Variants in AMZ2 observed in about 807,000 individuals in gnomAD.
AMZ2 encodes the protein archaelysin family metallopeptidase 2.
In AMZ2, 26 loss-of-function variants were observed where a neutral mutation model predicts 36.7. The observed-to-expected ratio is 0.71, with a 90% CI of 0.52 to 0.98. The LOEUF is 0.98. Among genes scored for constraint, AMZ2 ranks in the 50% least tolerant of loss-of-function variants. The probability of loss-of-function intolerance (pLI) is 0.00; values close to 1 mark genes in which losing one functional copy is unlikely to be tolerated. For synonymous variants in AMZ2, 144 were observed against 149.1 expected, an observed-to-expected ratio of 0.97 and a Z score of 0.25; for missense variants, 394 against 430.5, an observed-to-expected ratio of 0.92 and a Z score of 0.75.
intron 4 of AMZ2, among the ~76,000 whole-genome samples, chr17:68,253,837 C>G (rs1313331565): frequency 1.3e-5 from 2 of 151,526 alleles, no homozygotes; most frequent in Admixed American, 1.3e-4. Context: ...CACTGCAACT[C>G]CGCCTCATGG....
intron 1 of AMZ2, among the ~76,000 whole-genome samples, chr17:68,228,948 T>C (rs1303287118): frequency 6.6e-6 from 1 of 152,228 alleles, no homozygotes; most frequent in Non-Finnish European, 1.5e-5. Context: ...TTGTGCTGTC[T>C]TCAGTGCCCT....
chr17:68,235,280 G>C lies in AMZ2; in HGVS notation c.-66-13360G>C, dbSNP rs1222828112. Among the ~76,000 whole-genome samples, 1 of 152,228 alleles carries C rather than the reference G, an allele frequency of 6.6e-6. No homozygotes were observed. Among genetic ancestry groups the C allele is most frequent in the African/African-American group, 2.4e-5 (1 of 41,452 alleles). On this transcript the variant is annotated intron_variant, in intron 1 of 7. Transcript: ENST00000674770. The surrounding 1 kb of genome is among the most constrained non-coding windows in gnomAD (Gnocchi z 4.2). ...GTTTTTGCCTTTGGGCTTTTGCCAT[G>C]CCTGGTTATTGGGCACCTTCTGGTA...
chr17:68,247,847 T>C (rs1327096142), upstream of AMZ2: 3 of 985,316 alleles, frequency 3.0e-6, no homozygotes, highest in Middle Eastern at 5.2e-4. Context: ...GGGCTTGTAG[T>C]CCCCTCGCTA....
chr17:68,237,443 G>A (rs1470387569), intron 1 of AMZ2, among the ~76,000 whole-genome samples: 3 of 152,042 alleles, frequency 2.0e-5, no homozygotes, highest in African/African-American at 7.2e-5. Context: ...TTTAATCCAC[G>A]CAAGTGTCAT....
chr17:68,241,985 C>G (rs2073912128), intron 1 of AMZ2, among the ~76,000 whole-genome samples: 1 of 150,978 alleles, frequency 6.6e-6, no homozygotes, highest in Non-Finnish European at 1.5e-5. Context: ...CCTAAGTGAT[C>G]CGCCTGCCTC....
chr17:68,239,799 A>ACC (rs55960445), intron 1 of AMZ2, among the ~76,000 whole-genome samples: 5 of 151,800 alleles, frequency 3.3e-5, no homozygotes, highest in African/African-American at 1.2e-4. Flanking sequence ...TGCACACAGA[A>ACC]CCCCCCACCA....
chr17:68,211,708 GTATATGTA>G (rs2073052992), intron 1 of AMZ2, among the ~76,000 whole-genome samples: 5 of 122,818 alleles, frequency 4.1e-5, no homozygotes, highest in Non-Finnish European at 9.1e-5. Context: ...ATGTATATAT[GTATATGTA>G]TATATATGTA....
At chr17:68,253,759 AT>A (rs71142159) in intron 4 of AMZ2, among the ~76,000 whole-genome samples, 17 of 146,496 alleles carry the variant, frequency 1.2e-4, no homozygotes, top group Non-Finnish European at 1.2e-4. Flanking sequence ...TGTTCATGTG[AT>A]TTTTTTTTTT....
Position 68,219,361 on chromosome 17 carries a change from T to C in AMZ2, c.-67+13123T>C, listed in dbSNP as rs376624762. 2.8e-4 allele frequency among the ~76,000 whole-genome samples: 42 copies of C among 152,342 alleles called. 1 individual carries two copies. The highest frequency in any genetic ancestry group is 9.6e-4 in the East Asian group (5 of 5,188). ...CCCCACACCTCTCACCTCTTCTGTC[T>C]GGTTCTGTTTGCCACATGGCAAATC... On this transcript the variant is annotated intron_variant, in intron 1 of 7. Transcript: ENST00000674770.
intron 1 of AMZ2, among the ~76,000 whole-genome samples, chr17:68,216,601 A>C (rs112046439): frequency 2.4e-4 from 36 of 152,186 alleles, no homozygotes; most frequent in Admixed American, 2.4e-3. Flanking sequence ...CTTATTTTAT[A>C]CTGTAGTCTA....
At chr17:68,243,140 T>C (rs1425657440), upstream of AMZ2, among the ~76,000 whole-genome samples, 2 of 143,932 alleles carry the variant, frequency 1.4e-5, no homozygotes, top group Non-Finnish European at 3.0e-5. Flanking sequence ...CTTTGAGAAA[T>C]GATTTTTTTT....
At chr17:68,241,152 T>A (rs2073892724) in intron 1 of AMZ2, among the ~76,000 whole-genome samples, 1 of 152,154 alleles carries the variant, frequency 6.6e-6, no homozygotes, top group South Asian at 2.1e-4. Flanking sequence ...AAAAAAAATG[T>A]AACCAGTGTG....
rs114908460 is a variant in AMZ2, at chr17:68,214,354, C to T, written c.-67+8116C>T. Among the ~76,000 whole-genome samples the T allele has an allele frequency of 7.0e-3, 1,065 of 152,274 alleles. 17 individuals are homozygous for T. The highest frequency in any genetic ancestry group is 0.024 in the African/African-American group (990 of 41,550). The stretch of plus-strand genomic sequence containing the variant: ...GCCTTTTCCTGTGTCCTGCTTGAAG[C>T]ATGGAGGTCTTGCTGGTGGTATTCT... On this transcript the variant is annotated intron_variant, in intron 1 of 7. Transcript: ENST00000674770.
chr17:68,239,731 C>T (rs2073862895), intron 1 of AMZ2, among the ~76,000 whole-genome samples: 1 of 152,150 alleles, frequency 6.6e-6, no homozygotes, highest in Non-Finnish European at 1.5e-5. Context: ...CTGGGAGACT[C>T]CCCTCAGTGA....
At chr17:68,210,290 T>C (rs2073003638) in intron 1 of AMZ2, among the ~76,000 whole-genome samples, 1 of 152,224 alleles carries the variant, frequency 6.6e-6, no homozygotes, top group Non-Finnish European at 1.5e-5. Flanking sequence ...ACAGCCTACA[T>C]GTGCATTAAC....
intron 1 of AMZ2, chr17:68,207,549 C>T (rs1393089879): frequency 6.6e-6 from 1 of 152,146 alleles, no homozygotes; most frequent in Middle Eastern, 3.2e-3. Flanking sequence ...ATGTCTTTCT[C>T]AGAGAGACTG....
chr17:68,220,984 A>G (rs113551031), intron 1 of AMZ2, among the ~76,000 whole-genome samples: 3,249 of 151,926 alleles, frequency 0.021, 124 homozygotes, highest in African/African-American at 0.073. Context: ...AGGTTTCTCC[A>G]TGTTGGCCAG....
intron 1 of AMZ2, chr17:68,206,293 C>T (rs12944479): frequency 0.14 from 178,759 of 1,251,190 alleles, 13,169 homozygotes; most frequent in Non-Finnish European, 0.16. Flanking sequence ...CTGCCCTCCC[C>T]CCTTGCTCAC....
At chr17:68,255,624 A>G in intron 5 of AMZ2, 76 bp from the exon 6 acceptor site, 1 of 1,466,138 alleles carries the variant, frequency 6.8e-7, no homozygotes, top group Non-Finnish European at 9.3e-7. Flanking sequence ...TGTTTCTTGG[A>G]AAAGCAAGAA....
Sources: gnomAD v4.1 joint callset for allele counts (sites outside exome capture counted in the v4.1 genomes callset) on GRCh38, gnomAD v4.1.1 for gene constraint, Gnocchi (gnomAD v3.1) non-coding constraint, MANE v1.5 for transcripts, NCBI Gene and HGNC (gene_info 2026-07-23, HGNC 2026-07-21) for gene names.